The following TAOK3 variants were observed in gnomAD, a reference collection of about 807,000 sequenced individuals.
TAOK3 encodes TAO kinase 3.
A neutral mutation model predicts 120.4 loss-of-function variants in TAOK3; 40 were observed. That is an observed-to-expected ratio of 0.33 (90% CI 0.26 to 0.43). The LOEUF (loss-of-function observed/expected upper bound fraction) is 0.43, where lower values mean the gene tolerates loss of function less well. Among genes scored for constraint, TAOK3 ranks in the 20% least tolerant of loss-of-function variants. The pLI is 1.00. For synonymous variants in TAOK3, 355 were observed against 387.5 expected, an observed-to-expected ratio of 0.92 and a Z score of 0.99; for missense variants, 821 against 1,112.1, an observed-to-expected ratio of 0.74 and a Z score of 3.72.
At chr12:118,330,762 CAAA>C (rs79525282) in intron 1 of TAOK3, among the ~76,000 whole-genome samples, 1 of 106,194 alleles carries the variant, frequency 9.4e-6, no homozygotes. Context: ...AAGAGGAGGA[CAAA>C]AAAAAAAAAA....
chr12:118,176,319 G>A (rs937256431), intron 16 of TAOK3, among the ~76,000 whole-genome samples: 1 of 152,114 alleles, frequency 6.6e-6, no homozygotes, highest in African/African-American at 2.4e-5. Context: ...CATGGTGGCT[G>A]GTGCAGCGAA....
chr12:118,345,744 T>G (rs1450367928), intron 1 of TAOK3, among the ~76,000 whole-genome samples: 1 of 151,030 alleles, frequency 6.6e-6, no homozygotes, highest in Non-Finnish European at 1.5e-5. Context: ...ATGGTCTACC[T>G]GATGTAGAAT....
intron 10 of TAOK3, among the ~76,000 whole-genome samples, chr12:118,213,591 G>A (rs2038735956): frequency 6.6e-6 from 1 of 151,862 alleles, no homozygotes; most frequent in South Asian, 2.1e-4. Flanking sequence ...TGTATGCTCT[G>A]TCTCAACACA....
At position 118,181,998 on chromosome 12, in the gene TAOK3, A is replaced by G. The variant is rs148775928; in HGVS notation, c.1330-391T>C. ...TCAGGAGTTGGAGACCAGCCTGGCC[A>G]ACATGGTAAAACCCCGTCTCTACTA... On this transcript the variant is annotated intron_variant, in intron 14 of 20. Transcript: ENST00000392533. Among the ~76,000 whole-genome samples the G allele has an allele frequency of 5.8e-3, 882 of 152,284 alleles. 12 individuals are homozygous for G. The highest frequency in any genetic ancestry group is 0.011 in the African/African-American group (474 of 41,564).
At position 118,187,995 on chromosome 12, in the gene TAOK3, G is replaced by A. The variant is rs569635978; in HGVS notation, c.1329+1812C>T. Among the ~76,000 whole-genome samples, 11 of 152,240 alleles carry A rather than the reference G, an allele frequency of 7.2e-5. No individual in the cohort carries two copies. In the South Asian group the frequency reaches 2.1e-3, roughly 29 times the overall value. On this transcript the variant is annotated intron_variant, in intron 14 of 20. Coordinates refer to ENST00000392533, the MANE Select transcript of TAOK3 (RefSeq NM_016281.4). ...TAGCCCTGGGTGAGTTCACAGATGCGAGCATGAGATTATTCTGGCATGGCT... is the reference window on the plus strand; with the variant it reads ...TAGCCCTGGGTGAGTTCACAGATGCAAGCATGAGATTATTCTGGCATGGCT...
chr12:118,343,809 G>C (rs1009454320), intron 1 of TAOK3, among the ~76,000 whole-genome samples: 2 of 151,850 alleles, frequency 1.3e-5, no homozygotes, highest in Non-Finnish European at 2.9e-5. Flanking sequence ...TCAGGAGATC[G>C]AGACCATCCT....
rs199626872 is a variant in TAOK3 at position 118,172,670 on chromosome 12, A to G, written c.1696-10T>C. The stretch of plus-strand genomic sequence containing the variant: ...GGTCCTCATTCATTTCCTAAAAAGA[A>G]CAGACAAAAACCAAGCCAGCCTTAC... On this transcript the variant is annotated splice_polypyrimidine_tract_variant and intron_variant, in intron 16 of 20. Coordinates refer to ENST00000392533, the MANE Select transcript of TAOK3 (RefSeq NM_016281.4). 3.1e-5 allele frequency: 50 copies of G among 1,612,416 alleles called. No homozygotes were observed. The East Asian group carries it at 6.9e-4, about 22-fold the overall frequency.
At chr12:118,171,419 C>T (rs1007808815) in intron 17 of TAOK3, among the ~76,000 whole-genome samples, 1 of 152,208 alleles carries the variant, frequency 6.6e-6, no homozygotes, top group Non-Finnish European at 1.5e-5. Context: ...TGCAGTGGCA[C>T]GATCCTGGCT....
At position 118,199,145 on chromosome 12, in the gene TAOK3, A is replaced by T. The variant is rs1350761395; in HGVS notation, c.1100T>A (p.Met367Lys). 6.2e-7 allele frequency: 1 copy of T among 1,614,184 alleles called. No individual in the cohort carries two copies. The highest frequency in any genetic ancestry group is 1.6e-4 in the Middle Eastern group (1 of 6,062). The stretch of plus-strand genomic sequence containing the variant: ...ACTGCTCTCGTCCATGACTTCCTGC[A>T]TGCTGTTCACACTGCTGCTCTGGCT... ...TGSQSSSVNS[M>K]QEVMDESSSE... Residue 367 changes from methionine (M) to lysine (K), a missense_variant, in exon 13 of 21, where the codon ATG becomes AAG. Met to Lys is a moderately conservative substitution (Grantham distance 95). This residue lies in a region of TAOK3 where 467 missense variants were observed against 540.0 expected (regional missense o/e 0.86). Transcript: ENST00000392533.
chr12:118,215,470 C>T (rs1256751776), intron 9 of TAOK3, among the ~76,000 whole-genome samples: 1 of 151,756 alleles, frequency 6.6e-6, no homozygotes, highest in Non-Finnish European at 1.5e-5. Flanking sequence ...CAAGATCGCG[C>T]CACTGTACCC....
chr12:118,366,120 C>T (rs1203958869), intron 1 of TAOK3, among the ~76,000 whole-genome samples: 3 of 152,134 alleles, frequency 2.0e-5, no homozygotes, highest in South Asian at 2.1e-4. Context: ...AAAAATTAGC[C>T]AGGCGTGGTG....
chr12:118,354,347 G>A (rs911484111), intron 1 of TAOK3, among the ~76,000 whole-genome samples: 3 of 152,140 alleles, frequency 2.0e-5, no homozygotes. Flanking sequence ...ACTAAGTGAC[G>A]AATAGGCACG....
At chr12:118,194,562 T>A (rs968612503) in intron 13 of TAOK3, among the ~76,000 whole-genome samples, 8 of 150,836 alleles carry the variant, frequency 5.3e-5, no homozygotes, top group Non-Finnish European at 1.5e-5. Flanking sequence ...GAAAGGCCAC[T>A]GAAGCAAGTG....
intron 1 of TAOK3, among the ~76,000 whole-genome samples, chr12:118,310,626 C>A (rs1458501135): frequency 6.6e-6 from 1 of 152,138 alleles, no homozygotes; most frequent in African/African-American, 2.4e-5. Context: ...TTTGCTTGGA[C>A]AGATTTCTAT....
chr12:118,268,547 C>G (rs2041557067), intron 1 of TAOK3, among the ~76,000 whole-genome samples: 1 of 152,184 alleles, frequency 6.6e-6, no homozygotes, highest in African/African-American at 2.4e-5. Flanking sequence ...TTCAGATTAA[C>G]TGGTAGCTAA....
intron 1 of TAOK3, among the ~76,000 whole-genome samples, chr12:118,332,918 C>T (rs546530556): frequency 1.3e-5 from 2 of 151,216 alleles, no homozygotes; most frequent in Admixed American, 6.6e-5. Context: ...GATAAAAGAA[C>T]GAATCTACCA....
At position 118,364,253 on chromosome 12, in the gene TAOK3, T is replaced by C. The variant is rs78982237; in HGVS notation, c.-194+8395A>G. Among the ~76,000 whole-genome samples the C allele has an allele frequency of 3.3e-5, 5 of 152,254 alleles. No homozygotes were observed. In the East Asian group the frequency reaches 9.7e-4, roughly 29 times the overall value. The stretch of plus-strand genomic sequence containing the variant: ...GAGTGTCAAAATCAGAGCCGTACTT[T>C]AGGGAGAATAAAAGAGTAACAGTGT... On this transcript the variant is annotated intron_variant, in intron 1 of 20. Coordinates refer to ENST00000392533, the MANE Select transcript of TAOK3 (RefSeq NM_016281.4).
At chr12:118,251,704 A>G (rs1333510327) in intron 3 of TAOK3, among the ~76,000 whole-genome samples, 1 of 152,250 alleles carries the variant, frequency 6.6e-6, no homozygotes, top group African/African-American at 2.4e-5. Flanking sequence ...GGTCTTCTGC[A>G]GCCTAGTACA....
intron 17 of TAOK3, among the ~76,000 whole-genome samples, chr12:118,163,459 G>T (rs2035360167): frequency 6.7e-6 from 1 of 148,498 alleles, no homozygotes; most frequent in African/African-American, 2.5e-5. Flanking sequence ...GGGGGGGGTG[G>T]GGGTAGAGAT....
Sources: gnomAD v4.1 joint callset for allele counts (sites outside exome capture counted in the v4.1 genomes callset) on GRCh38, gnomAD v4.1.1 for gene constraint, gnomAD v4.1.1 regional missense constraint, MANE v1.5 for transcripts, NCBI Gene and HGNC (gene_info 2026-07-23, HGNC 2026-07-21) for gene names.